KCNMB2: variants seen among roughly 807,000 people sequenced by gnomAD.
KCNMB2 encodes the protein calcium-activated potassium channel subunit beta-2.
In KCNMB2, 9 loss-of-function variants were observed where a neutral mutation model predicts 24.5. The ratio of observed to expected loss-of-function variants is 0.37; its 90% CI spans 0.22 to 0.64. The LOEUF (loss-of-function observed/expected upper bound fraction) is 0.64. KCNMB2 is among the 30% of genes least tolerant of loss of function. The pLI is 0.63. For missense variants in KCNMB2, 226 were observed against 284.3 expected (o/e 0.79, Z 1.47); for synonymous variants, 109 against 104.4 (o/e 1.04, Z -0.27).
intron 1 of KCNMB2, among the ~76,000 whole-genome samples, chr3:178,768,843 A>C (rs186999405): frequency 6.6e-6 from 1 of 152,064 alleles, no homozygotes; most frequent in African/African-American, 2.4e-5. Context: ...AGAGCAAATA[A>C]AAAACCAAGA....
rs1718662613 is a variant in KCNMB2 at position 178,615,236 on chromosome 3, A to G, written c.-68+78525A>G. On this transcript the variant is annotated intron_variant, in intron 1 of 4. Transcript: ENST00000452583. Reference sequence around the variant, plus strand: ...TGGATCAGATCTGAAACAGCACAATACTGCATCTCGCCCATGGCCTGCTGT... The same window carrying G: ...TGGATCAGATCTGAAACAGCACAATGCTGCATCTCGCCCATGGCCTGCTGT... 2.0e-5 allele frequency among the ~76,000 whole-genome samples: 3 copies of G among 152,254 alleles called. No homozygotes were observed. In the South Asian group the frequency reaches 6.2e-4, roughly 32 times the overall value.
At chr3:178,643,753 G>T (rs954714149) in intron 1 of KCNMB2, among the ~76,000 whole-genome samples, 2 of 152,168 alleles carry the variant, frequency 1.3e-5, no homozygotes, top group African/African-American at 4.8e-5. Context: ...TCGCCCTGTT[G>T]TTTCTAGGTA....
chr3:178,590,612 T>A (rs915805338), intron 1 of KCNMB2, among the ~76,000 whole-genome samples: 13 of 152,254 alleles, frequency 8.5e-5, no homozygotes, highest in Admixed American at 5.9e-4. Context: ...ATGCATTATC[T>A]TGTTTAATCC....
chr3:178,600,793 A>G (rs1489838381), intron 1 of KCNMB2, among the ~76,000 whole-genome samples: 1 of 152,208 alleles, frequency 6.6e-6, no homozygotes, highest in African/African-American at 2.4e-5. Flanking sequence ...AGAATGATTT[A>G]TAACCCTTTG....
At chr3:178,723,407 C>A (rs74694500) in intron 1 of KCNMB2, among the ~76,000 whole-genome samples, 1,668 of 152,244 alleles carry the variant, frequency 0.011, 30 homozygotes, top group African/African-American at 0.038. Context: ...TAGTTTTCAG[C>A]AAATAAAATA....
At chr3:178,613,972 T>C (rs1718588240) in intron 1 of KCNMB2, among the ~76,000 whole-genome samples, 1 of 151,846 alleles carries the variant, frequency 6.6e-6, no homozygotes, top group South Asian at 2.1e-4. Context: ...TTCTTGATCC[T>C]GTAGGTGTGC....
chr3:178,759,487 A>C lies in KCNMB2; in HGVS notation c.-67-47856A>C, dbSNP rs182160299. 6.8e-4 allele frequency among the ~76,000 whole-genome samples: 73 copies of C among 107,122 alleles called. 2 individuals carry two copies. Among genetic ancestry groups the C allele is most frequent in the African/African-American group, 1.6e-3 (41 of 24,946 alleles). The allele number at this position is 107,122 out of a possible 152,430, so 70.3% of individuals were successfully genotyped here. A position where few individuals can be genotyped will look rare whatever the true frequency, so the allele number is the denominator to read the frequency against. On this transcript the variant is annotated intron_variant, in intron 1 of 4. Transcript: ENST00000452583. ...CAAGAGGATATATATATATATATAT[A>C]TCTCCAAGAGGATATATATATATCT...
chr3:178,771,626 G>T (rs934553447), intron 1 of KCNMB2, among the ~76,000 whole-genome samples: 4 of 151,584 alleles, frequency 2.6e-5, no homozygotes, highest in South Asian at 2.1e-4. Flanking sequence ...GGAATTACAG[G>T]CATGAGCCAT....
At chr3:178,666,031 A>G (rs1720706143) in intron 1 of KCNMB2, among the ~76,000 whole-genome samples, 1 of 152,124 alleles carries the variant, frequency 6.6e-6, no homozygotes, top group Admixed American at 6.6e-5. Flanking sequence ...GGAGGCCTCT[A>G]CACTTTAGCT....
chr3:178,827,719 C>T (rs1714887905), intron 3 of KCNMB2, among the ~76,000 whole-genome samples: 1 of 152,162 alleles, frequency 6.6e-6, no homozygotes, highest in African/African-American at 2.4e-5. Flanking sequence ...CATCTCTCCC[C>T]TCCTTCTCCC....
At chr3:178,822,137 C>G (rs1180097054) in intron 2 of KCNMB2, among the ~76,000 whole-genome samples, 1 of 152,182 alleles carries the variant, frequency 6.6e-6, no homozygotes, top group Non-Finnish European at 1.5e-5. Flanking sequence ...CCTCTTTTTC[C>G]CTGTCCCATA....
chr3:178,657,968 C>T (rs1160982773), intron 1 of KCNMB2, among the ~76,000 whole-genome samples: 1 of 152,234 alleles, frequency 6.6e-6, no homozygotes, highest in African/African-American at 2.4e-5. Flanking sequence ...CCTCCCAACA[C>T]TGCCACATTG....
At chr3:178,826,996 T>C (rs1007504509) in intron 3 of KCNMB2, among the ~76,000 whole-genome samples, 6 of 152,122 alleles carry the variant, frequency 3.9e-5, no homozygotes, top group Non-Finnish European at 7.3e-5. Flanking sequence ...TCCAGGAAAA[T>C]ACAGTTTGCC....
chr3:178,583,471 T>C (rs572126811), intron 1 of KCNMB2, among the ~76,000 whole-genome samples: 1 of 152,214 alleles, frequency 6.6e-6, no homozygotes, highest in Non-Finnish European at 1.5e-5. Context: ...GGAGGTGATA[T>C]TCTGTAATTG....
rs996088287 is a variant in KCNMB2, at chr3:178,537,597, G to A, written c.-68+886G>A. Among the ~76,000 whole-genome samples, 18 of 152,104 alleles carry A rather than the reference G, an allele frequency of 1.2e-4. 1 individual carries two copies. Among genetic ancestry groups the A allele is most frequent in the African/African-American group, 4.1e-4 (17 of 41,420 alleles). ...ACTGCTTTGTACTTTATATGGGATCGGTATAGCACAATCAGAAAAGGAAAT... is the reference window on the plus strand; with the variant it reads ...ACTGCTTTGTACTTTATATGGGATCAGTATAGCACAATCAGAAAAGGAAAT... On this transcript the variant is annotated intron_variant, in intron 1 of 4. Coordinates refer to ENST00000452583, the MANE Select transcript of KCNMB2 (RefSeq NM_181361.3).
chr3:178,667,144 C>T lies in KCNMB2; in HGVS notation c.-68+130433C>T, dbSNP rs573101077. Among the ~76,000 whole-genome samples the T allele has an allele frequency of 1.5e-4, 23 of 151,738 alleles. No homozygotes were observed. The South Asian group carries it at 1.9e-3, about 12-fold the overall frequency. On this transcript the variant is annotated intron_variant, in intron 1 of 4. Coordinates refer to ENST00000452583, the MANE Select transcript of KCNMB2 (RefSeq NM_181361.3). ...GGGGGGTCAAGTGTACTTAGAGTCA[C>T]GAAAGAAGTAACTAAGTTAAAATGA...
At chr3:178,579,686 G>A (rs534734008) in intron 1 of KCNMB2, among the ~76,000 whole-genome samples, 22 of 152,166 alleles carry the variant, frequency 1.4e-4, no homozygotes, top group Admixed American at 3.3e-4. Flanking sequence ...TGATAAAGGG[G>A]ATATCACCTC....
At chr3:178,548,709 C>G (rs546753632) in intron 1 of KCNMB2, among the ~76,000 whole-genome samples, 1 of 152,310 alleles carries the variant, frequency 6.6e-6, no homozygotes, top group Non-Finnish European at 1.5e-5. Context: ...ATTCCTTTCA[C>G]TCCAAGCTAG....
At chr3:178,628,692 C>T (rs1719204771) in intron 1 of KCNMB2, among the ~76,000 whole-genome samples, 1 of 152,074 alleles carries the variant, frequency 6.6e-6, no homozygotes, top group African/African-American at 2.4e-5. Context: ...CATAGAAGGG[C>T]ACTTTCTGGT....
Sources: gnomAD v4.1 joint callset for allele counts (sites outside exome capture counted in the v4.1 genomes callset) on GRCh38, gnomAD v4.1.1 for gene constraint, MANE v1.5 for transcripts, NCBI Gene and HGNC (gene_info 2026-07-23, HGNC 2026-07-21) for gene names.